ZDHHC17: variants seen among roughly 807,000 people sequenced by gnomAD.
ZDHHC17 encodes palmitoyltransferase ZDHHC17.
ZDHHC17 carries 40 observed loss-of-function variants against 90.3 expected under a neutral mutation model. The ratio of observed to expected loss-of-function variants is 0.44; its 90% confidence interval spans 0.34 to 0.58. ZDHHC17 has a LOEUF of 0.58. Ranked by LOEUF, ZDHHC17 falls within the 20% of genes least tolerant of loss-of-function variation. The pLI, the probability that ZDHHC17 is intolerant of heterozygous loss-of-function variation, is 0.01. For missense variants in ZDHHC17, 614 were observed against 780.8 expected (o/e 0.79, Z 2.55); for synonymous variants, 235 against 252.4 (o/e 0.93, Z 0.65).
chr12:76,788,700 T>A lies in ZDHHC17; in HGVS notation c.94-8734T>A, dbSNP rs1335869179. Among the ~76,000 whole-genome samples, 4 of 132,076 alleles carry A rather than the reference T, an allele frequency of 3.0e-5. 1 individual carries two copies. The highest frequency in any genetic ancestry group is 7.9e-5 in the Admixed American group (1 of 12,688). The allele number at this position is 132,076 out of a possible 152,430, so 86.6% of individuals were successfully genotyped here. A position where few individuals can be genotyped will look rare whatever the true frequency, so the allele number is the denominator to read the frequency against. On this transcript the variant is annotated intron_variant, in intron 1 of 16. Transcript: ENST00000426126. ...AGTTGGAATCGCAATTTTTTTTTTTTTTTTTTTTTTTTTTGAGCAGAGTTT... is the reference window on the plus strand; with the variant it reads ...AGTTGGAATCGCAATTTTTTTTTTTATTTTTTTTTTTTTTGAGCAGAGTTT...
At chr12:76,795,419 A>G (rs1255463297) in intron 1 of ZDHHC17, among the ~76,000 whole-genome samples, 1 of 152,128 alleles carries the variant, frequency 6.6e-6, no homozygotes, top group Non-Finnish European at 1.5e-5. Context: ...GGCTCTCAAT[A>G]CATGTTTTGT....
In ZDHHC17 at chr12:76,808,084, T is replaced by TA. The variant is rs1306822968; in HGVS notation, c.321-958dup. 2.6e-5 allele frequency among the ~76,000 whole-genome samples: 4 copies of TA among 152,292 alleles called. No individual in the cohort carries two copies. In the South Asian group the frequency reaches 8.3e-4, roughly 32 times the overall value. On this transcript the variant is annotated intron_variant, in intron 3 of 16. Coordinates refer to ENST00000426126, the MANE Select transcript of ZDHHC17 (RefSeq NM_015336.4). The stretch of plus-strand genomic sequence containing the variant: ...CTTTAAAAGCACCAATTTAAACAAA[T>TA]ACTTATTTGCAGCCACAAATTTCTG...
At chr12:76,821,688 G>T (rs1953164092) in intron 7 of ZDHHC17, among the ~76,000 whole-genome samples, 1 of 152,094 alleles carries the variant, frequency 6.6e-6, no homozygotes, top group Non-Finnish European at 1.5e-5. Flanking sequence ...GGAGAAATAA[G>T]ATTTTAAATT....
At chr12:76,833,589 G>A (rs981197098) in intron 10 of ZDHHC17, among the ~76,000 whole-genome samples, 7 of 152,058 alleles carry the variant, frequency 4.6e-5, no homozygotes, top group Non-Finnish European at 1.0e-4. Context: ...TCAGGAGACC[G>A]AGACCATCCT....
At chr12:76,813,122 G>T (rs553875127) in intron 5 of ZDHHC17, among the ~76,000 whole-genome samples, 34 of 152,028 alleles carry the variant, frequency 2.2e-4, no homozygotes, top group Non-Finnish European at 4.1e-4. Flanking sequence ...TTTTAAAAAG[G>T]ATATGAAAAC....
chr12:76,847,980 CCAAT>C (rs1264274225), intron 14 of ZDHHC17, among the ~76,000 whole-genome samples: 6 of 152,108 alleles, frequency 3.9e-5, no homozygotes, highest in Admixed American at 2.6e-4. Context: ...TGATGCAATA[CCAAT>C]CAAATAAAAT....
intron 1 of ZDHHC17, among the ~76,000 whole-genome samples, chr12:76,771,874 C>T (rs921808574): frequency 1.3e-5 from 2 of 152,144 alleles, no homozygotes; most frequent in African/African-American, 4.8e-5. Flanking sequence ...TCTCAGATAA[C>T]CTAAACTCAG....
intron 16 of ZDHHC17, among the ~76,000 whole-genome samples, chr12:76,850,437 A>G (rs1317992577): frequency 6.6e-6 from 1 of 152,092 alleles, no homozygotes; most frequent in Non-Finnish European, 1.5e-5. Context: ...TTACATATGG[A>G]GCCAGGCATG....
chr12:76,807,820 T>G (rs1952973029), intron 3 of ZDHHC17, among the ~76,000 whole-genome samples: 1 of 152,212 alleles, frequency 6.6e-6, no homozygotes, highest in Non-Finnish European at 1.5e-5. Flanking sequence ...TTACGATTTT[T>G]AATAAAATAT....
intron 15 of ZDHHC17, 95 bp from the exon 16 acceptor site, chr12:76,849,281 G>T: frequency 1.7e-6 from 1 of 604,974 alleles, no homozygotes; most frequent in Non-Finnish European, 2.6e-6. Flanking sequence ...CTGAGAATTC[G>T]CCATTGCATT....
At chr12:76,829,041 A>G (rs1030955016) in intron 10 of ZDHHC17, among the ~76,000 whole-genome samples, 5 of 152,188 alleles carry the variant, frequency 3.3e-5, no homozygotes, top group Non-Finnish European at 7.4e-5. Flanking sequence ...CAGAATAGCT[A>G]TTTTTAAAAG....
intron 1 of ZDHHC17, among the ~76,000 whole-genome samples, chr12:76,765,183 C>T (rs1325359264): frequency 1.3e-5 from 2 of 152,178 alleles, no homozygotes; most frequent in Non-Finnish European, 2.9e-5. Flanking sequence ...CTGAAGAACT[C>T]GGGTAGTTTT....
rs371030622 is a variant in ZDHHC17, at chr12:76,832,757, C to A, written c.1141+4267C>A. On this transcript the variant is annotated intron_variant, in intron 10 of 16. Transcript: ENST00000426126. ...CACTGTGCTTAAGGGCCCTTTTAAA[C>A]GGCAAAATCTACACAAAAGCACAAC... Among the ~76,000 whole-genome samples, 46 of 152,164 alleles carry A rather than the reference C, an allele frequency of 3.0e-4. 4 individuals are homozygous for A. Among genetic ancestry groups the A allele is most frequent in the Non-Finnish European group, 2.9e-5 (2 of 68,040 alleles).
chr12:76,782,350 C>G (rs1057001705), intron 1 of ZDHHC17, among the ~76,000 whole-genome samples: 3 of 152,162 alleles, frequency 2.0e-5, no homozygotes, highest in Admixed American at 1.3e-4. Context: ...TGATTTGGGT[C>G]TCCTGGAGTT....
At chr12:76,840,250 T>C (rs1290270148) in intron 10 of ZDHHC17, 5 of 152,166 alleles carry the variant, frequency 3.3e-5, no homozygotes, top group Non-Finnish European at 7.4e-5. Flanking sequence ...TCTGTCTTTA[T>C]GCTTTTTTTA....
At chr12:76,767,018 C>CAAAAA (rs375447750) in intron 1 of ZDHHC17, among the ~76,000 whole-genome samples, 11 of 85,828 alleles carry the variant, frequency 1.3e-4, no homozygotes, top group East Asian at 4.2e-4. Flanking sequence ...GATTATGTCT[C>CAAAAA]AAAAAAAAAA....
At chr12:76,809,930 T>G in intron 5 of ZDHHC17, 73 bp downstream of exon 5, 1 of 1,496,264 alleles carries the variant, frequency 6.7e-7, no homozygotes, top group Non-Finnish European at 9.1e-7. Context: ...ATTATTGGTG[T>G]TGTAACAAGC....
chr12:76,773,154 G>A (rs1050574074), intron 1 of ZDHHC17, among the ~76,000 whole-genome samples: 8 of 152,066 alleles, frequency 5.3e-5, no homozygotes, highest in South Asian at 2.1e-4. Flanking sequence ...CACTGCACCC[G>A]GCGAGGTTCT....
chr12:76,807,198 A>G (rs1254483926), intron 3 of ZDHHC17, among the ~76,000 whole-genome samples: 1 of 152,236 alleles, frequency 6.6e-6, no homozygotes, highest in African/African-American at 2.4e-5. Flanking sequence ...TGGTGTACAA[A>G]GAAAGCGTTC....
Sources: allele counts gnomAD v4.1 joint callset (sites outside exome capture counted in the v4.1 genomes callset), GRCh38; gene constraint gnomAD v4.1.1; transcripts MANE v1.5; gene names NCBI Gene and HGNC (gene_info 2026-07-23, HGNC 2026-07-21).